Variants in ARAP2 observed in about 807,000 individuals in gnomAD.
ARAP2 encodes arf-GAP with Rho-GAP domain, ANK repeat and PH domain-containing protein 2.
A neutral mutation model predicts 194.5 loss-of-function variants in ARAP2; 148 were observed. The ratio of observed to expected loss-of-function variants is 0.76; its 90% confidence interval spans 0.67 to 0.87. The LOEUF is 0.87. Ranked by LOEUF, ARAP2 falls within the 40% of genes least tolerant of loss-of-function variation. The probability of loss-of-function intolerance (pLI) is 0.00; values close to 1 mark genes in which losing one functional copy is unlikely to be tolerated. For missense variants in ARAP2, 2,128 were observed against 1,989.7 expected (o/e 1.07, Z -1.32); for synonymous variants, 695 against 683.5 (o/e 1.02, Z -0.26).
At chr4:36,103,762 T>C (rs924858361) in intron 27 of ARAP2, among the ~76,000 whole-genome samples, 1 of 151,884 alleles carries the variant, frequency 6.6e-6, no homozygotes, top group Non-Finnish European at 1.5e-5. Context: ...GTTACCTCCT[T>C]ACCTTAAATG....
At chr4:36,031,460 G>T (rs191740815) in intron 5 of ARAP2, among the ~76,000 whole-genome samples, 2 of 152,110 alleles carry the variant, frequency 1.3e-5, no homozygotes, top group Non-Finnish European at 2.9e-5. Context: ...TTGTTGTGTT[G>T]TGTTTTGTTT....
rs538715014 is a variant in ARAP2, at chr4:36,191,227, G to A, written c.1557+2351C>T. ...AGTGAGATAATTAACTATTTGTTGAGGAAAATGTTACCATTAACCCATTTT... is the reference window on the plus strand; with the variant it reads ...AGTGAGATAATTAACTATTTGTTGAAGAAAATGTTACCATTAACCCATTTT... On this transcript the variant is annotated intron_variant, in intron 7 of 32. Transcript: ENST00000303965. Among the ~76,000 whole-genome samples the A allele has an allele frequency of 9.2e-5, 14 of 152,150 alleles. No individual in the cohort carries two copies. In the South Asian group the frequency reaches 2.9e-3, roughly 32 times the overall value.
chr4:36,010,167 G>A (rs1429935407), intron 9 of ARAP2, among the ~76,000 whole-genome samples: 1 of 150,806 alleles, frequency 6.6e-6, no homozygotes, highest in Non-Finnish European at 1.5e-5. Flanking sequence ...ATGTTGTCAT[G>A]TGTTAAATAT....
At chr4:36,241,825 TC>T (rs1456930173) in intron 1 of ARAP2, among the ~76,000 whole-genome samples, 39 of 152,246 alleles carry the variant, frequency 2.6e-4, no homozygotes, top group Non-Finnish European at 3.7e-4. Flanking sequence ...GGCCCCATCA[TC>T]CTTCATGAGT....
At chr4:36,122,709 A>G (rs1473946405) in intron 22 of ARAP2, among the ~76,000 whole-genome samples, 3 of 151,708 alleles carry the variant, frequency 2.0e-5, no homozygotes, top group Non-Finnish European at 4.4e-5. Context: ...CCTGTGATAC[A>G]AGTTTACCTG....
intron 5 of ARAP2, among the ~76,000 whole-genome samples, chr4:36,026,713 T>C (rs1717973220): frequency 6.6e-6 from 1 of 152,200 alleles, no homozygotes; most frequent in Non-Finnish European, 1.5e-5. Flanking sequence ...CTTGGGTGCA[T>C]GGTGTACGCA....
At chr4:36,227,948 G>A (rs1436772524) in intron 2 of ARAP2, among the ~76,000 whole-genome samples, 10 of 152,062 alleles carry the variant, frequency 6.6e-5, no homozygotes, top group African/African-American at 9.7e-5. Flanking sequence ...TACTACCTGC[G>A]TATAAGAACC....
intron 15 of ARAP2, among the ~76,000 whole-genome samples, chr4:36,156,387 GA>G: frequency 1.5e-4 from 1 of 6,452 alleles, no homozygotes; most frequent in African/African-American, 1.3e-3. Flanking sequence ...GAAAGAGAGA[GA>G]GAGAAAGAAA....
At chr4:36,232,135 T>A (rs1182986928) in intron 1 of ARAP2, among the ~76,000 whole-genome samples, 1 of 152,210 alleles carries the variant, frequency 6.6e-6, no homozygotes, top group Non-Finnish European at 1.5e-5. Context: ...TCTAGAGCTG[T>A]GAGAAAATAA....
chr4:36,161,936 G>T (rs1044070577), intron 11 of ARAP2, among the ~76,000 whole-genome samples: 6 of 151,738 alleles, frequency 4.0e-5, no homozygotes, highest in Non-Finnish European at 5.9e-5. Flanking sequence ...GTGAAACCCC[G>T]TCTCTACTAA....
intron 27 of ARAP2, among the ~76,000 whole-genome samples, chr4:36,101,035 G>GA (rs949538762): frequency 1.2e-4 from 18 of 151,876 alleles, no homozygotes; most frequent in African/African-American, 3.9e-4. Flanking sequence ...AATACAAACA[G>GA]AAAAAAACAT....
At chr4:36,042,846 C>CTTG (rs1553875218) in intron 5 of ARAP2, among the ~76,000 whole-genome samples, 4 of 124,632 alleles carry the variant, frequency 3.2e-5, no homozygotes, top group Non-Finnish European at 5.4e-5. Context: ...TTTTTTTCTT[C>CTTG]TTTTTTTTTT....
chr4:36,129,329 T>G (rs1031494512), intron 20 of ARAP2, among the ~76,000 whole-genome samples: 1 of 151,922 alleles, frequency 6.6e-6, no homozygotes, highest in Non-Finnish European at 1.5e-5. Context: ...CCCAGGCTTC[T>G]TTTCCCTGTT....
downstream of ARAP2, chr4:36,065,416 G>T (rs1577711268): frequency 4.6e-5 from 23 of 504,640 alleles, no homozygotes; most frequent in South Asian, 3.4e-4. Context: ...TCAGGGAAAA[G>T]AGCTCTGCAT....
chr4:36,074,592 G>T (rs543904499), intron 31 of ARAP2, among the ~76,000 whole-genome samples: 1 of 152,020 alleles, frequency 6.6e-6, no homozygotes, highest in Admixed American at 6.6e-5. Flanking sequence ...TCCAGAATTT[G>T]GAAAAAGTAT....
At chr4:36,117,601 G>GT (rs1721678858) in intron 24 of ARAP2, among the ~76,000 whole-genome samples, 1 of 151,566 alleles carries the variant, frequency 6.6e-6, no homozygotes, top group African/African-American at 2.4e-5. Flanking sequence ...GGCTTGCTAC[G>GT]TTTTTAAAGA....
intron 31 of ARAP2, among the ~76,000 whole-genome samples, chr4:36,074,292 G>A (rs570444175): frequency 6.6e-6 from 1 of 152,142 alleles, no homozygotes; most frequent in African/African-American, 2.4e-5. Context: ...CTTGAAAAAT[G>A]TTACTATTTT....
intron 24 of ARAP2, 152 bp from the exon 25 acceptor site, chr4:36,117,287 C>T: frequency 5.7e-6 from 3 of 523,578 alleles, no homozygotes; most frequent in Non-Finnish European, 9.7e-6. Context: ...GCATGATGTG[C>T]CCATTTCCAC....
chr4:36,086,825 C>G (rs532215475), intron 28 of ARAP2, among the ~76,000 whole-genome samples: 1 of 152,212 alleles, frequency 6.6e-6, no homozygotes, highest in Non-Finnish European at 1.5e-5. Context: ...ACACCATTAA[C>G]AGTATAATGG....
Sources: gnomAD v4.1 joint callset for allele counts (sites outside exome capture counted in the v4.1 genomes callset) on GRCh38, gnomAD v4.1.1 for gene constraint, MANE v1.5 for transcripts, NCBI Gene and HGNC (gene_info 2026-07-23, HGNC 2026-07-21) for gene names.